GDPD4: variants seen among roughly 807,000 people sequenced by gnomAD.
GDPD4 encodes the protein glycerophosphodiester phosphodiesterase domain containing 4, also known as glycerophosphodiester phosphodiesterase 6.
GDPD4 carries 60 observed loss-of-function variants against 67.8 expected under a neutral mutation model. The observed-to-expected ratio is 0.88, with a 90% CI of 0.72 to 1.10. The LOEUF (loss-of-function observed/expected upper bound fraction) is 1.10, where lower values mean the gene tolerates loss of function less well. GDPD4 is among the 50% of genes least tolerant of loss of function. The pLI is 0.00. For missense variants in GDPD4, 623 were observed against 613.9 expected, an observed-to-expected ratio of 1.01 and a Z score of -0.16; for synonymous variants, 212 against 210.9, an observed-to-expected ratio of 1.00 and a Z score of -0.04.
At position 77,269,089 on chromosome 11, in the gene GDPD4, G is replaced by T; in HGVS notation, c.479-20C>A. 6.2e-7 allele frequency: 1 copy of T among 1,608,826 alleles called. No homozygotes were observed. The highest frequency in any genetic ancestry group is 1.1e-5 in the South Asian group (1 of 90,606). On this transcript the variant is annotated intron_variant, in intron 8 of 16. Coordinates refer to ENST00000315938, the MANE Select transcript of GDPD4 (RefSeq NM_182833.3). ...GTAGACCTGAAAAATTTGAAAGGAAGGGGAAGTGGGGGAAAAAGAGATAAA... is the reference window on the plus strand; with the variant it reads ...GTAGACCTGAAAAATTTGAAAGGAATGGGAAGTGGGGGAAAAAGAGATAAA...
At chr11:77,274,675 A>C (rs1414951317) in intron 5 of GDPD4, among the ~76,000 whole-genome samples, 1 of 152,184 alleles carries the variant, frequency 6.6e-6, no homozygotes, top group African/African-American at 2.4e-5. Context: ...TAAATTACCC[A>C]ATCTCAGGTA....
chr11:77,281,528 C>G (rs906065049), intron 3 of GDPD4, among the ~76,000 whole-genome samples: 7 of 152,132 alleles, frequency 4.6e-5, no homozygotes, highest in Non-Finnish European at 1.0e-4. Context: ...ATGAAAGCAT[C>G]AGATATCTAC....
rs779485284 is a variant in GDPD4, at chr11:77,271,210, T to G, written c.320A>C (p.Tyr107Ser). ...AGLSMQIFAP[Y>S]VHLVSITVMV... is the part of the protein sequence containing the mutation. ...CACAGTTATGCTGACCAGGTGCACG[T>G]AGGGAGCAAAGATCTGTGAGAAAGC... Residue 107 changes from tyrosine to serine, a missense_variant, in exon 7 of 17, where the codon TAC becomes TCC. Tyr to Ser is a moderately radical substitution (Grantham distance 144). Transcript: ENST00000315938. The G allele has an allele frequency of 6.2e-7, 1 of 1,613,166 alleles. No individual in the cohort carries two copies. The highest frequency in any genetic ancestry group is 1.1e-5 in the South Asian group (1 of 90,806).
At chr11:77,249,218 A>G (rs550884516) in intron 11 of GDPD4, among the ~76,000 whole-genome samples, 17 of 148,826 alleles carry the variant, frequency 1.1e-4, no homozygotes, top group Non-Finnish European at 1.5e-4. Flanking sequence ...GTGAGCCGAG[A>G]TCACGCCACT....
At chr11:77,231,761 G>A (rs1958459755) in intron 14 of GDPD4, among the ~76,000 whole-genome samples, 1 of 152,164 alleles carries the variant, frequency 6.6e-6, no homozygotes, top group Non-Finnish European at 1.5e-5. Context: ...ATGCATTTTT[G>A]TAATGACTGG....
intron 11 of GDPD4, among the ~76,000 whole-genome samples, chr11:77,255,992 C>T (rs1012636361): frequency 6.6e-6 from 1 of 152,216 alleles, no homozygotes; most frequent in Non-Finnish European, 1.5e-5. Flanking sequence ...ATGGTTCCCA[C>T]ATGGTAGCTA....
rs186949348 is a variant in GDPD4 at position 77,278,477 on chromosome 11, G to A, written c.147+829C>T. Among the ~76,000 whole-genome samples the A allele has an allele frequency of 9.2e-5, 14 of 152,266 alleles. No individual in the cohort carries two copies. The East Asian group carries it at 2.5e-3, about 27-fold the overall frequency. On this transcript the variant is annotated intron_variant, in intron 4 of 16. Transcript: ENST00000315938. ...TATATCTCACATCTACCTCTATGAA[G>A]TGCACTGCATGAAAACAGAAATTGC...
chr11:77,274,829 A>T (rs1959379510), intron 5 of GDPD4, among the ~76,000 whole-genome samples: 1 of 152,152 alleles, frequency 6.6e-6, no homozygotes, highest in South Asian at 2.1e-4. Context: ...CATATTTGGG[A>T]GGTAAAAAAG....
At chr11:77,291,656 T>A (rs546985930) in intron 1 of GDPD4, among the ~76,000 whole-genome samples, 32 of 152,370 alleles carry the variant, frequency 2.1e-4, no homozygotes, top group Admixed American at 2.0e-3. Flanking sequence ...TATGTACTGA[T>A]AAAAATTTTT....
intron 1 of GDPD4, among the ~76,000 whole-genome samples, chr11:77,292,494 TAGAAA>T (rs2135895004): frequency 6.6e-6 from 1 of 152,240 alleles, no homozygotes; most frequent in Admixed American, 6.5e-5. Context: ...ATGCCCGTAC[TAGAAA>T]AGAACAAAGA....
chr11:77,246,165 A>AT (rs763962020), intron 11 of GDPD4, among the ~76,000 whole-genome samples: 296 of 152,324 alleles, frequency 1.9e-3, no homozygotes, highest in Non-Finnish European at 3.4e-3. Context: ...ACATGCCTGT[A>AT]GTCCTAACTA....
At chr11:77,238,411 C>T (rs1958601858) in intron 13 of GDPD4, among the ~76,000 whole-genome samples, 1 of 151,776 alleles carries the variant, frequency 6.6e-6, no homozygotes, top group African/African-American at 2.4e-5. Context: ...TGATGAAACC[C>T]CGTCTCTACT....
intron 10 of GDPD4, among the ~76,000 whole-genome samples, chr11:77,260,278 C>T (rs1205258772): frequency 2.0e-5 from 3 of 148,160 alleles, no homozygotes; most frequent in African/African-American, 7.8e-5. Context: ...TGGACTCCAG[C>T]CTGGGCAACA....
intron 1 of GDPD4, among the ~76,000 whole-genome samples, chr11:77,301,303 T>C (rs185492422): frequency 3.9e-5 from 6 of 152,246 alleles, no homozygotes; most frequent in African/African-American, 1.2e-4. Flanking sequence ...GTCACCGCCA[T>C]TCCCCAGCTC....
intron 4 of GDPD4, among the ~76,000 whole-genome samples, chr11:77,277,515 G>A (rs963625596): frequency 3.5e-5 from 5 of 144,742 alleles, no homozygotes; most frequent in African/African-American, 1.3e-4. Context: ...CCATTCTCCT[G>A]CCTCAGCCTC....
At chr11:77,290,761 C>T (rs528460093) in intron 1 of GDPD4, among the ~76,000 whole-genome samples, 99 of 152,162 alleles carry the variant, frequency 6.5e-4, no homozygotes, top group African/African-American at 2.3e-3. Context: ...AAATAGCCAA[C>T]AGGTATATGA....
chr11:77,224,800 G>A (rs74845937), intron 16 of GDPD4, among the ~76,000 whole-genome samples: 421 of 152,156 alleles, frequency 2.8e-3, no homozygotes, highest in Non-Finnish European at 4.4e-3. Context: ...TTTAAAATAC[G>A]GCAATAAAAA....
intron 13 of GDPD4, among the ~76,000 whole-genome samples, chr11:77,239,961 G>GAA (rs35159540): frequency 0.014 from 1,896 of 133,590 alleles, 17 homozygotes; most frequent in Non-Finnish European, 0.016. Flanking sequence ...GACTGCCTCA[G>GAA]AAAAAAAAAA....
intron 11 of GDPD4, among the ~76,000 whole-genome samples, chr11:77,256,471 C>T (rs1182638788): frequency 6.6e-6 from 1 of 152,152 alleles, no homozygotes; most frequent in Non-Finnish European, 1.5e-5. Context: ...ACAGTAATAA[C>T]AAATCCACTT....
Sources: allele counts gnomAD v4.1 joint callset (sites outside exome capture counted in the v4.1 genomes callset), GRCh38; gene constraint gnomAD v4.1.1; transcripts MANE v1.5; gene names NCBI Gene and HGNC (gene_info 2026-07-23, HGNC 2026-07-21).